LINGO2: variants seen among roughly 807,000 people sequenced by gnomAD.
LINGO2 encodes the protein leucine-rich repeat and immunoglobulin-like domain-containing nogo receptor-interacting protein 2.
A neutral mutation model predicts 30.6 loss-of-function variants in LINGO2; 14 were observed. The ratio of observed to expected loss-of-function variants is 0.46; its 90% CI spans 0.30 to 0.72. The LOEUF (loss-of-function observed/expected upper bound fraction) is 0.72, where lower values mean the gene tolerates loss of function less well. Among genes scored for constraint, LINGO2 ranks in the 30% least tolerant of loss-of-function variants. LINGO2 has a pLI of 0.07. For synonymous variants in LINGO2, 317 were observed against 288.5 expected (o/e 1.10, Z -1.00); for missense variants, 729 against 751.7 (o/e 0.97, Z 0.35).
At chr9:28,267,835 A>C (rs1822808385) in intron 4 of LINGO2, among the ~76,000 whole-genome samples, 3 of 152,056 alleles carry the variant, frequency 2.0e-5, no homozygotes, top group South Asian at 4.1e-4. Flanking sequence ...GGAGCTCCAG[A>C]CTCAAATCAA....
At chr9:28,001,239 A>T (rs1441616173) in intron 5 of LINGO2, among the ~76,000 whole-genome samples, 1 of 152,208 alleles carries the variant, frequency 6.6e-6, no homozygotes, top group Non-Finnish European at 1.5e-5. Flanking sequence ...TGAAGCAGCC[A>T]GCTTGGCTTC....
At chr9:28,320,959 T>A (rs1326323435) in intron 3 of LINGO2, among the ~76,000 whole-genome samples, 3 of 152,198 alleles carry the variant, frequency 2.0e-5, no homozygotes, top group Non-Finnish European at 4.4e-5. Flanking sequence ...GCATCAGTAA[T>A]TTAATGCACT....
At chr9:29,116,886 A>T in the LINGO2 span, among the ~76,000 whole-genome samples, 4 of 151,666 alleles carry the variant, frequency 2.6e-5, no homozygotes, top group Admixed American at 2.6e-4. Flanking sequence ...ATCCTACTGA[A>T]TATTTTACAT....
chr9:29,098,230 G>C, the LINGO2 span, among the ~76,000 whole-genome samples: 8 of 152,266 alleles, frequency 5.3e-5, no homozygotes, highest in South Asian at 8.3e-4. Flanking sequence ...AACTGGCACT[G>C]AGGAGATAGC....
At chr9:28,555,532 G>T (rs1822611782) in intron 1 of LINGO2, among the ~76,000 whole-genome samples, 1 of 151,942 alleles carries the variant, frequency 6.6e-6, no homozygotes, top group South Asian at 2.1e-4. Context: ...AAGAGTCCAG[G>T]ACCAGATGGA....
intron 1 of LINGO2, among the ~76,000 whole-genome samples, chr9:28,504,487 A>T (rs2135330341): frequency 6.6e-6 from 1 of 151,970 alleles, no homozygotes. Flanking sequence ...GGATGATAAA[A>T]AATAAGTCCC....
chr9:29,208,413 A>G, the LINGO2 span, among the ~76,000 whole-genome samples: 2 of 152,168 alleles, frequency 1.3e-5, no homozygotes, highest in African/African-American at 4.8e-5. Flanking sequence ...CAAGATTTCC[A>G]TACATCACAA....
At chr9:28,597,686 A>G (rs902823934) in intron 1 of LINGO2, among the ~76,000 whole-genome samples, 1 of 152,216 alleles carries the variant, frequency 6.6e-6, no homozygotes, top group Non-Finnish European at 1.5e-5. Context: ...TACAGCTTCC[A>G]TGAACTAGTT....
At chr9:27,959,850 A>G (rs997172435) in intron 5 of LINGO2, among the ~76,000 whole-genome samples, 3 of 152,188 alleles carry the variant, frequency 2.0e-5, no homozygotes, top group Non-Finnish European at 2.9e-5. Context: ...TATGTTATCA[A>G]TTCCTGAGAA....
At chr9:29,033,657 T>C in the LINGO2 span, among the ~76,000 whole-genome samples, 3 of 151,850 alleles carry the variant, frequency 2.0e-5, no homozygotes, top group East Asian at 5.8e-4. Context: ...AAAATAATTA[T>C]ACTTGTATTA....
chr9:28,271,281 A>G (rs1822931773), intron 4 of LINGO2, among the ~76,000 whole-genome samples: 1 of 152,056 alleles, frequency 6.6e-6, no homozygotes, highest in African/African-American at 2.4e-5. Flanking sequence ...ACATATATTC[A>G]CTTATAAATG....
intron 4 of LINGO2, among the ~76,000 whole-genome samples, chr9:28,274,179 C>T (rs1823037888): frequency 6.6e-6 from 1 of 152,130 alleles, no homozygotes; most frequent in South Asian, 2.1e-4. Flanking sequence ...AAAACTAATT[C>T]TAACCATATC....
intron 2 of LINGO2, among the ~76,000 whole-genome samples, chr9:28,473,069 A>G (rs1486788281): frequency 6.6e-6 from 1 of 152,172 alleles, no homozygotes; most frequent in Non-Finnish European, 1.5e-5. Flanking sequence ...ACTACTGACA[A>G]CGAGTTTTGC....
chr9:28,217,599 A>C (rs898422826), intron 4 of LINGO2, among the ~76,000 whole-genome samples: 1 of 151,930 alleles, frequency 6.6e-6, no homozygotes, highest in African/African-American at 2.4e-5. Flanking sequence ...TGTTTTCTTC[A>C]TATTTTTCTT....
chr9:28,440,034 C>T (rs1203512505), intron 2 of LINGO2, among the ~76,000 whole-genome samples: 1 of 152,056 alleles, frequency 6.6e-6, no homozygotes, highest in Non-Finnish European at 1.5e-5. Flanking sequence ...TATTTTTCAC[C>T]CTGGCATAAC....
Position 28,512,591 on chromosome 9 carries a change from G to GA in LINGO2, c.-364-36567_-364-36566insT, listed in dbSNP as rs1820439557. On this transcript the variant is annotated intron_variant, in intron 1 of 5. Transcript: ENST00000379992. ...GACAGAACTAACAGGATATATATGT[G>GA]TGTATATATATATATATATATATAT... Among the ~76,000 whole-genome samples, 4 of 15,832 alleles carry GA rather than the reference G, an allele frequency of 2.5e-4. No individual in the cohort carries two copies. The East Asian group carries it at 0.01, about 41-fold the overall frequency. 10.4% of individuals were successfully genotyped at this position (15,832 alleles called of 152,430 possible). A position where few individuals can be genotyped will look rare whatever the true frequency, so the allele number is the denominator to read the frequency against.
the LINGO2 span, among the ~76,000 whole-genome samples, chr9:29,002,821 A>T: frequency 6.6e-6 from 1 of 151,854 alleles, no homozygotes; most frequent in Non-Finnish European, 1.5e-5. Flanking sequence ...TTTACCTGCT[A>T]GTTTGGCACA....
chr9:28,503,173 T>C (rs1262220370), intron 1 of LINGO2, among the ~76,000 whole-genome samples: 1 of 152,082 alleles, frequency 6.6e-6, no homozygotes, highest in Non-Finnish European at 1.5e-5. Flanking sequence ...TTTGGGTTCA[T>C]TACAGCCACT....
chr9:28,234,308 G>A (rs1210135527), intron 4 of LINGO2, among the ~76,000 whole-genome samples: 1 of 152,146 alleles, frequency 6.6e-6, no homozygotes, highest in Non-Finnish European at 1.5e-5. Context: ...AGAACCCCCG[G>A]GGACTGGTGG....
Sources: gnomAD v4.1 joint callset for allele counts (sites outside exome capture counted in the v4.1 genomes callset) on GRCh38, gnomAD v4.1.1 for gene constraint, MANE v1.5 for transcripts, NCBI Gene and HGNC (gene_info 2026-07-23, HGNC 2026-07-21) for gene names.